Variants in NPC1 observed in about 807,000 individuals in gnomAD.
The protein encoded by NPC1 is Niemann-Pick C1 protein.
In NPC1, 85 loss-of-function variants were observed where a neutral mutation model predicts 140.4. The ratio of observed to expected loss-of-function variants is 0.61; its 90% CI spans 0.51 to 0.72. The LOEUF is 0.72. Among genes scored for constraint, NPC1 ranks in the 30% least tolerant of loss-of-function variants. NPC1 has a pLI of 0.00. For synonymous variants in NPC1, 656 were observed against 624.8 expected (o/e 1.05, Z -0.74); for missense variants, 1,504 against 1,623.8 (o/e 0.93, Z 1.27).
chr18:23,551,533 C>T (rs1164943520), intron 10 of NPC1, 94 bp downstream of exon 10: 1 of 977,054 alleles, frequency 1.0e-6, no homozygotes, highest in Non-Finnish European at 1.7e-6. Flanking sequence ...CAAAACTGCC[C>T]AATTTATGAA....
chr18:23,549,321 C>T (rs2058834039), intron 10 of NPC1, among the ~76,000 whole-genome samples: 1 of 152,124 alleles, frequency 6.6e-6, no homozygotes. Context: ...CTTGGCCTCC[C>T]TTTTCATTAC....
chr18:23,540,379 A>G, intron 17 of NPC1, 69 bp downstream of exon 17: 1 of 1,023,880 alleles, frequency 9.8e-7, no homozygotes, highest in Non-Finnish European at 1.5e-6. Context: ...ACCTACGTGC[A>G]TGTTTTGAAA....
At chr18:23,514,680 G>A (rs1020253344) in intron 3 of NPC1, among the ~76,000 whole-genome samples, 3 of 152,208 alleles carry the variant, frequency 2.0e-5, no homozygotes, top group African/African-American at 7.2e-5. Context: ...TTGCTTTCTG[G>A]GGGAGTTCCC....
At chr18:23,580,467 T>G (rs908207646) in intron 1 of NPC1, among the ~76,000 whole-genome samples, 4 of 152,204 alleles carry the variant, frequency 2.6e-5, no homozygotes, top group African/African-American at 9.7e-5. Context: ...CCCATTCCTA[T>G]CTTTTAAAGT....
At position 23,548,084 on chromosome 18, in the gene NPC1, G is replaced by T; in HGVS notation, c.1679C>A (p.Ala560Asp). ...YDDQNYNNAT[A>D]LVITFPVNNY... ...ATTGACAGGGAAGGTAATCACAAGGGCAGTGGCGTTATTGTAGTTTTGATC... is the reference window on the plus strand; with the variant it reads ...ATTGACAGGGAAGGTAATCACAAGGTCAGTGGCGTTATTGTAGTTTTGATC... Residue 560 changes from alanine (A) to aspartate (D), a missense_variant, in exon 11 of 25, where the codon GCC (alanine) becomes GAC (aspartate). Transcript: ENST00000269228. 1 of 1,609,962 alleles carries T rather than the reference G, an allele frequency of 6.2e-7. No homozygotes were observed. Among genetic ancestry groups the T allele is most frequent in the East Asian group, 2.2e-5 (1 of 44,858 alleles).
rs772844838 is a variant in NPC1, at chr18:23,569,016, T to C, written c.288-18A>G. The stretch of plus-strand genomic sequence containing the variant: ...ATGGACATCTAAAGGAAAAGTAAAT[T>C]ATATTCTGCATGATCTCACACATAA... On this transcript the variant is annotated intron_variant, in intron 3 of 24. Coordinates refer to ENST00000269228, the MANE Select transcript of NPC1 (RefSeq NM_000271.5). The C allele has an allele frequency of 3.4e-4, 532 of 1,586,880 alleles. No individual in the cohort carries two copies. The highest frequency in any genetic ancestry group is 4.3e-4 in the Non-Finnish European group (501 of 1,156,988).
chr18:23,529,689 A>G (rs773650074), downstream of NPC1: 1 of 1,614,064 alleles, frequency 6.2e-7, no homozygotes, highest in East Asian at 2.2e-5. Flanking sequence ...TCGTTCTCTT[A>G]ACCAGTTTCA....
At position 23,534,678 on chromosome 18, in the gene NPC1, G is replaced by T. The variant is rs141606629; in HGVS notation, c.3478-119C>A. On this transcript the variant is annotated intron_variant, in intron 22 of 24. Coordinates refer to ENST00000269228, the MANE Select transcript of NPC1 (RefSeq NM_000271.5). The stretch of plus-strand genomic sequence containing the variant: ...CACCCTGGGTGCTAGAGGAGGCCAA[G>T]CATCCCATTGGACTTACAAGGCCTC... The T allele has an allele frequency of 8.9e-4, 685 of 773,988 alleles. 2 individuals are homozygous for T. In the African/African-American group the frequency reaches 0.01, roughly 11 times the overall value. 47.9% of individuals were successfully genotyped at this position (773,988 alleles called of 1,614,324 possible).
intron 4 of NPC1, 38 bp downstream of exon 4, chr18:23,568,785 G>A: frequency 3.9e-6 from 6 of 1,548,838 alleles, no homozygotes; most frequent in Non-Finnish European, 4.5e-6. Flanking sequence ...CTGTCCTGAT[G>A]CCAGCTGTAA....
chr18:23,533,042 T>C (rs1195264899), intron 24 of NPC1: 1 of 713,478 alleles, frequency 1.4e-6, no homozygotes, highest in Non-Finnish European at 1.7e-6. Context: ...CTCCTTCATC[T>C]CAGTGGCAGG....
intron 1 of NPC1, chr18:23,576,881 C>T (rs2145568409): frequency 6.5e-6 from 1 of 153,774 alleles, no homozygotes; most frequent in East Asian, 1.9e-4. Context: ...TGAGCAGTAG[C>T]AAGATTTATT....
At chr18:23,585,199 C>T (rs1623003) in intron 1 of NPC1, among the ~76,000 whole-genome samples, 112,432 of 152,098 alleles carry the variant, frequency 0.74, 42,292 homozygotes, top group East Asian at 0.93. Context: ...TGGAGTACAC[C>T]GGCGTGATCA....
At chr18:23,513,816 T>C (rs936531521) in intron 3 of NPC1, among the ~76,000 whole-genome samples, 2 of 152,268 alleles carry the variant, frequency 1.3e-5, no homozygotes, top group Admixed American at 1.3e-4. Flanking sequence ...TTGGCCACTT[T>C]GTGTATCATC....
At chr18:23,535,933 CTGTTTA>C (rs1002656993) in intron 21 of NPC1, among the ~76,000 whole-genome samples, 1 of 152,118 alleles carries the variant, frequency 6.6e-6, no homozygotes, top group African/African-American at 2.4e-5. Context: ...GATAAAGTTT[CTGTTTA>C]TAAGCCCAAT....
intron 19 of NPC1, chr18:23,539,058 C>T (rs1479304591): frequency 2.1e-6 from 1 of 469,250 alleles, no homozygotes; most frequent in East Asian, 4.3e-5. Context: ...GAAGCTAAGG[C>T]CAGATACCAA....
Position 23,539,698 on chromosome 18 carries a change from A to G in NPC1, c.2795+113T>C. Reference sequence around the variant, plus strand: ...CAGATTTAACATACATTTTGCATAAAAACAACTTTTCCAAGAAAGTCTATT... The same window carrying G: ...CAGATTTAACATACATTTTGCATAAGAACAACTTTTCCAAGAAAGTCTATT... On this transcript the variant is annotated intron_variant, in intron 18 of 24. Transcript: ENST00000269228. 3.2e-6 allele frequency: 4 copies of G among 1,269,304 alleles called. No homozygotes were observed. The South Asian group carries it at 5.0e-5, about 16-fold the overall frequency. The allele number at this position is 1,269,304 out of a possible 1,614,324, so 78.6% of individuals were successfully genotyped here.
chr18:23,555,217 G>C (rs1005787181), intron 8 of NPC1, among the ~76,000 whole-genome samples: 1 of 152,228 alleles, frequency 6.6e-6, no homozygotes, highest in Non-Finnish European at 1.5e-5. Flanking sequence ...GGGGTAGGGG[G>C]AACACCATGA....
Position 23,564,307 on chromosome 18 carries a change from T to C in NPC1, c.464-2780A>G, listed in dbSNP as rs535742691. 3.9e-5 allele frequency among the ~76,000 whole-genome samples: 6 copies of C among 152,306 alleles called. No homozygotes were observed. The South Asian group carries it at 1.0e-3, about 26-fold the overall frequency. On this transcript the variant is annotated intron_variant, in intron 4 of 24. Transcript: ENST00000269228. Reference sequence around the variant, plus strand: ...CCAAGAGTTCTTTATGTATTCTAGATACAAGTCCCTTATCAAATATACAAT... The same window carrying C: ...CCAAGAGTTCTTTATGTATTCTAGACACAAGTCCCTTATCAAATATACAAT...
At chr18:23,548,311 G>A (rs1278864750) in intron 10 of NPC1, among the ~76,000 whole-genome samples, 1 of 151,546 alleles carries the variant, frequency 6.6e-6, no homozygotes, top group African/African-American at 2.4e-5. Flanking sequence ...TCTGAGGTAG[G>A]CATGGTTATC....
Sources: allele counts gnomAD v4.1 joint callset (sites outside exome capture counted in the v4.1 genomes callset), GRCh38; gene constraint gnomAD v4.1.1; transcripts MANE v1.5; gene names NCBI Gene and HGNC (gene_info 2026-07-23, HGNC 2026-07-21).